Variants in PLCB4 observed in about 807,000 individuals in gnomAD.
PLCB4 encodes 1-phosphatidylinositol 4,5-bisphosphate phosphodiesterase beta-4.
PLCB4 carries 77 observed loss-of-function variants against 178.8 expected under a neutral mutation model. The observed-to-expected ratio is 0.43, with a 90% CI of 0.36 to 0.52. The LOEUF (loss-of-function observed/expected upper bound fraction) is 0.52, where lower values mean the gene tolerates loss of function less well. Ranked by LOEUF, PLCB4 falls within the 20% of genes least tolerant of loss-of-function variation. The pLI is 0.00. For missense variants in PLCB4, 1,024 were observed against 1,453.4 expected (o/e 0.70, Z 4.80); for synonymous variants, 496 against 490.8 (o/e 1.01, Z -0.14).
At chr20:9,390,641 TC>T (rs1308904053) in intron 17 of PLCB4, 26 bp downstream of exon 17, 1 of 1,149,954 alleles carries the variant, frequency 8.7e-7, no homozygotes, top group Non-Finnish European at 1.3e-6. Flanking sequence ...AAACCATATT[TC>T]TAGCATGAAT....
chr20:9,298,157 C>G (rs922773913), intron 3 of PLCB4, among the ~76,000 whole-genome samples: 6 of 152,030 alleles, frequency 3.9e-5, no homozygotes, highest in Non-Finnish European at 8.8e-5. Context: ...ACAAAGATAC[C>G]AAGAAGAATG....
chr20:9,191,124 G>T (rs962229425), intron 2 of PLCB4, among the ~76,000 whole-genome samples: 1 of 152,084 alleles, frequency 6.6e-6, no homozygotes, highest in Non-Finnish European at 1.5e-5. Flanking sequence ...TTTATAGCAG[G>T]ATAGAACACA....
At chr20:9,112,963 GA>G (rs2091637525) in intron 2 of PLCB4, among the ~76,000 whole-genome samples, 1 of 151,996 alleles carries the variant, frequency 6.6e-6, no homozygotes, top group Non-Finnish European at 1.5e-5. Flanking sequence ...CTTGCTGAAG[GA>G]ACTGACTGCT....
intron 4 of PLCB4, among the ~76,000 whole-genome samples, chr20:9,312,390 A>ACGCG (rs139996785): frequency 3.5e-5 from 5 of 141,536 alleles, no homozygotes; most frequent in Non-Finnish European, 7.6e-5. Context: ...ACACACACAC[A>ACGCG]CACACACGCA....
intron 28 of PLCB4, among the ~76,000 whole-genome samples, chr20:9,428,049 C>T (rs2041149006): frequency 6.6e-6 from 1 of 152,140 alleles, no homozygotes; most frequent in Non-Finnish European, 1.5e-5. Flanking sequence ...CATCTTGGGT[C>T]TCTGCCCAGG....
chr20:9,435,088 G>C (rs1328454678), intron 28 of PLCB4, among the ~76,000 whole-genome samples: 1 of 152,170 alleles, frequency 6.6e-6, no homozygotes, highest in Non-Finnish European at 1.5e-5. Context: ...TTATCCTTCT[G>C]TATCGAAAAA....
chr20:9,472,822 A>G lies in PLCB4; in HGVS notation c.3383A>G (p.Lys1128Arg). 1 of 1,600,452 alleles carries G rather than the reference A, an allele frequency of 6.2e-7. No individual in the cohort carries two copies. Among genetic ancestry groups the G allele is most frequent in the African/African-American group, 1.3e-5 (1 of 74,616 alleles). Reference protein sequence around the residue: ...RVRELNSSNTKKFLEERKRLA... With the variant: ...RVRELNSSNTRKFLEERKRLA... ...AGGGAGTTAAACAGCAGCAACACTA[A>G]AAAGTTTCTGGAAGAAAGAAAGAGA... is the stretch of plus-strand genomic sequence containing the variant. The change falls in exon 37 of 40, where the codon AAA becomes AGA. Residue 1128 changes from lysine to arginine, a missense_variant. By Grantham distance (26) the Lys-to-Arg change is conservative. Transcript: ENST00000378473.
At chr20:9,413,223 C>G (rs1402098789) in intron 25 of PLCB4, among the ~76,000 whole-genome samples, 1 of 152,146 alleles carries the variant, frequency 6.6e-6, no homozygotes, top group Non-Finnish European at 1.5e-5. Flanking sequence ...CCTTGCCCAC[C>G]TCAGCGATCA....
intron 28 of PLCB4, among the ~76,000 whole-genome samples, chr20:9,424,593 A>T (rs2040866285): frequency 6.6e-6 from 1 of 152,226 alleles, no homozygotes; most frequent in African/African-American, 2.4e-5. Flanking sequence ...GGATGATGGC[A>T]TCCGATTAGC....
chr20:9,349,002 C>T (rs6118583), intron 7 of PLCB4, among the ~76,000 whole-genome samples: 3 of 149,834 alleles, frequency 2.0e-5, no homozygotes, highest in African/African-American at 7.4e-5. Flanking sequence ...GAATGTTGCT[C>T]ATGATAGAGG....
intron 22 of PLCB4, 85 bp from the exon 23 acceptor site, chr20:9,408,548 G>A (rs2039622733): frequency 1.5e-6 from 1 of 646,890 alleles, no homozygotes; most frequent in Admixed American, 2.2e-5. Flanking sequence ...CATGATTCAG[G>A]GTGTAATTGC....
At chr20:9,107,324 C>A (rs1296050703) in intron 2 of PLCB4, among the ~76,000 whole-genome samples, 1 of 152,136 alleles carries the variant, frequency 6.6e-6, no homozygotes, top group African/African-American at 2.4e-5. Context: ...GAAGATGGAA[C>A]AACCAACAGT....
At chr20:9,279,974 T>G (rs560462015) in intron 3 of PLCB4, among the ~76,000 whole-genome samples, 1 of 152,068 alleles carries the variant, frequency 6.6e-6, no homozygotes, top group Non-Finnish European at 1.5e-5. Flanking sequence ...CCCACCCTAT[T>G]GCTGGAGTTT....
intron 2 of PLCB4, among the ~76,000 whole-genome samples, chr20:9,129,062 C>T (rs1281602011): frequency 1.3e-5 from 2 of 152,120 alleles, no homozygotes; most frequent in African/African-American, 4.8e-5. Flanking sequence ...TTTTGTTGAT[C>T]CCTCATCCAT....
intron 22 of PLCB4, among the ~76,000 whole-genome samples, 162 bp from the exon 23 acceptor site, chr20:9,408,471 C>A (rs1370524568): frequency 8.9e-6 from 1 of 112,880 alleles, no homozygotes; most frequent in East Asian, 3.4e-4. Flanking sequence ...CAGATGTCTC[C>A]ATCCACAGGA....
At chr20:9,185,511 A>G (rs902670899) in intron 2 of PLCB4, among the ~76,000 whole-genome samples, 2 of 151,958 alleles carry the variant, frequency 1.3e-5, no homozygotes, top group Non-Finnish European at 2.9e-5. Context: ...CACCTGGATG[A>G]CTGGTCTCTT....
At chr20:9,098,945 G>GTA (rs905609996) in intron 2 of PLCB4, among the ~76,000 whole-genome samples, 12 of 150,342 alleles carry the variant, frequency 8.0e-5, no homozygotes, top group Admixed American at 6.0e-4. Flanking sequence ...GTATATATAC[G>GTA]TATATATATA....
At chr20:9,111,744 T>A (rs2091580147) in intron 2 of PLCB4, among the ~76,000 whole-genome samples, 1 of 152,218 alleles carries the variant, frequency 6.6e-6, no homozygotes, top group Admixed American at 6.5e-5. Flanking sequence ...CATTTAAGAA[T>A]ATTTTATTTA....
At chr20:9,192,313 T>C (rs1350478658) in intron 2 of PLCB4, among the ~76,000 whole-genome samples, 1 of 152,166 alleles carries the variant, frequency 6.6e-6, no homozygotes, top group Admixed American at 6.5e-5. Context: ...TAACCTAATA[T>C]AAAAGATCAC....
Sources: allele counts gnomAD v4.1 joint callset (sites outside exome capture counted in the v4.1 genomes callset), GRCh38; gene constraint gnomAD v4.1.1; transcripts MANE v1.5; gene names NCBI Gene and HGNC (gene_info 2026-07-23, HGNC 2026-07-21).